Variants in IL19 observed in about 807,000 individuals in gnomAD.
IL19 encodes interleukin-19.
IL19 carries 15 observed loss-of-function variants against 19.5 expected under a neutral mutation model. The observed-to-expected ratio is 0.77, with a 90% CI of 0.52 to 1.19. The LOEUF (loss-of-function observed/expected upper bound fraction) is 1.19, where lower values mean the gene tolerates loss of function less well. Ranked by LOEUF, IL19 falls within the 50% of genes most tolerant of loss-of-function variation. The probability of loss-of-function intolerance (pLI) is 0.00; values close to 1 mark genes in which losing one functional copy is unlikely to be tolerated. For synonymous variants in IL19, 78 were observed against 78.3 expected (o/e 1.00, Z 0.02); for missense variants, 199 against 213.1 (o/e 0.93, Z 0.41).
rs780801302 is a variant in IL19, at chr1:206,839,887, C to T, written c.248C>T (p.Ala83Val). The T allele has an allele frequency of 3.3e-5, 54 of 1,613,842 alleles. No homozygotes were observed. Among genetic ancestry groups the T allele is most frequent in the Middle Eastern group, 1.6e-4 (1 of 6,080 alleles). The change falls in exon 5 of 7, where the codon GCG becomes GTG. Residue 83 changes from alanine (A) to valine (V), a missense_variant. Transcript: ENST00000659997. ...DVCCVTKNLL[A>V]FYVDRVFKDH... ...TGCTGCGTGACCAAGAACCTCCTGG[C>T]GTTCTACGTGGACAGGGTGTTCAAG...
At chr1:206,802,886 G>A (rs1211405687) in intron 2 of IL19, among the ~76,000 whole-genome samples, 1 of 152,188 alleles carries the variant, frequency 6.6e-6, no homozygotes, top group Admixed American at 6.5e-5. Context: ...TAAGGAAGAC[G>A]AGGGGACAGG....
intron 2 of IL19, among the ~76,000 whole-genome samples, chr1:206,826,539 G>A (rs913886154): frequency 6.6e-5 from 10 of 152,142 alleles, no homozygotes; most frequent in Admixed American, 2.0e-4. Context: ...CTCTCACTCT[G>A]CCACCTGCTT....
chr1:206,814,985 A>G (rs527257165), intron 2 of IL19, among the ~76,000 whole-genome samples: 3 of 152,302 alleles, frequency 2.0e-5, no homozygotes, highest in African/African-American at 4.8e-5. Context: ...TTGCTCACAA[A>G]TATACAATCT....
chr1:206,791,797 C>G (rs1407633275), intron 1 of IL19, among the ~76,000 whole-genome samples: 2 of 152,234 alleles, frequency 1.3e-5, no homozygotes, highest in Non-Finnish European at 2.9e-5. Context: ...TTAAAGGTAA[C>G]TGGCCAACTG....
At chr1:206,796,246 G>T (rs980151085) in intron 1 of IL19, among the ~76,000 whole-genome samples, 8 of 152,092 alleles carry the variant, frequency 5.3e-5, no homozygotes, top group Admixed American at 2.0e-4. Context: ...ATCAGACCAT[G>T]CCCACTTACA....
intron 2 of IL19, among the ~76,000 whole-genome samples, chr1:206,818,941 T>A (rs1676228123): frequency 6.6e-6 from 1 of 151,738 alleles, no homozygotes; most frequent in Non-Finnish European, 1.5e-5. Flanking sequence ...GCCTCCTGAG[T>A]AGCTGGGATT....
Position 206,771,062 on chromosome 1 carries a change from A to G in IL19, c.-165A>G. 1 of 1,614,038 alleles carries G rather than the reference A, an allele frequency of 6.2e-7. No individual in the cohort carries two copies. The highest frequency in any genetic ancestry group is 1.1e-5 in the South Asian group (1 of 91,086). Reference sequence around the variant, plus strand: ...AAGGCTTGGCAACCCAGGTAACCCTAAGGGCAGGAGCCAAAGGTGAGTGAG... The same window carrying G: ...AAGGCTTGGCAACCCAGGTAACCCTGAGGGCAGGAGCCAAAGGTGAGTGAG... On this transcript the variant is annotated 5_prime_UTR_variant, in exon 1 of 7. Coordinates refer to ENST00000659997, the MANE Select transcript of IL19 (RefSeq NM_153758.5).
At chr1:206,797,488 C>T (rs1675553174) in intron 1 of IL19, among the ~76,000 whole-genome samples, 1 of 152,004 alleles carries the variant, frequency 6.6e-6, no homozygotes, top group Non-Finnish European at 1.5e-5. Context: ...TGTAGCTTAT[C>T]CTGAGCCCTT....
At chr1:206,791,929 A>ATGTG (rs55855361) in intron 1 of IL19, among the ~76,000 whole-genome samples, 8 of 151,384 alleles carry the variant, frequency 5.3e-5, no homozygotes, top group South Asian at 2.1e-4. Flanking sequence ...GGTCCTGTGC[A>ATGTG]TGTGTGTGTG....
intron 1 of IL19, among the ~76,000 whole-genome samples, chr1:206,797,482 G>T (rs1258190082): frequency 6.6e-6 from 1 of 152,050 alleles, no homozygotes; most frequent in Non-Finnish European, 1.5e-5. Flanking sequence ...TGCTACTGTA[G>T]CTTATCCTGA....
intron 3 of IL19, 44 bp downstream of exon 3, chr1:206,836,850 TC>T (rs1676812827): frequency 1.2e-6 from 2 of 1,606,244 alleles, no homozygotes; most frequent in African/African-American, 2.7e-5. Flanking sequence ...GGAGTATCCC[TC>T]CCCTTACATC....
chr1:206,789,703 T>A (rs916996251), intron 1 of IL19, among the ~76,000 whole-genome samples: 4 of 152,140 alleles, frequency 2.6e-5, no homozygotes, highest in African/African-American at 9.7e-5. Context: ...CTAGTACCCA[T>A]TAATTATTTT....
intron 1 of IL19, among the ~76,000 whole-genome samples, chr1:206,792,116 G>A (rs1675421667): frequency 6.6e-6 from 1 of 152,220 alleles, no homozygotes; most frequent in South Asian, 2.1e-4. Context: ...CTGAGTCTGA[G>A]ATGCCTTCTC....
At chr1:206,808,973 G>A (rs571956178) in intron 2 of IL19, among the ~76,000 whole-genome samples, 1 of 152,286 alleles carries the variant, frequency 6.6e-6, no homozygotes, top group Admixed American at 6.5e-5. Flanking sequence ...GAAGGCAGAA[G>A]GTTCTGGAAA....
At chr1:206,821,419 G>A (rs551092353) in intron 2 of IL19, among the ~76,000 whole-genome samples, 3 of 152,314 alleles carry the variant, frequency 2.0e-5, no homozygotes, top group South Asian at 4.2e-4. Context: ...TCATTGTTAC[G>A]ATGCTTGCGG....
chr1:206,803,971 G>A (rs909781467), intron 2 of IL19, among the ~76,000 whole-genome samples: 4 of 152,188 alleles, frequency 2.6e-5, no homozygotes, highest in Non-Finnish European at 4.4e-5. Context: ...AAGGTGGGAG[G>A]GAAAATTATT....
At chr1:206,838,174 A>G (rs1211410156) in intron 4 of IL19, among the ~76,000 whole-genome samples, 1 of 152,218 alleles carries the variant, frequency 6.6e-6, no homozygotes, top group East Asian at 1.9e-4. Context: ...GATCTGCCCA[A>G]TCATCTAGAC....
rs765862793 is a variant in IL19, at chr1:206,840,121, G to C, written c.363+119G>C. 12 of 1,132,588 alleles carry C rather than the reference G, an allele frequency of 1.1e-5. No homozygotes were observed. In the African/African-American group the frequency reaches 1.8e-4, roughly 17 times the overall value. The allele number at this position is 1,132,588 out of a possible 1,614,324, so 70.2% of individuals were successfully genotyped here. A position where few individuals can be genotyped will look rare whatever the true frequency, so the allele number is the denominator to read the frequency against. On this transcript the variant is annotated intron_variant, in intron 5 of 6. Coordinates refer to ENST00000659997, the MANE Select transcript of IL19 (RefSeq NM_153758.5). Reference sequence around the variant, plus strand: ...CTTGGAGTCAAAGGAAATTCTCTGCGCACGTCCACAGGGAGAACTGTGGAG... The same window carrying C: ...CTTGGAGTCAAAGGAAATTCTCTGCCCACGTCCACAGGGAGAACTGTGGAG...
At chr1:206,813,889 A>G (rs1676080055) in intron 2 of IL19, among the ~76,000 whole-genome samples, 1 of 152,166 alleles carries the variant, frequency 6.6e-6, no homozygotes, top group Non-Finnish European at 1.5e-5. Context: ...TGAAGAGCAA[A>G]AACTGAGGTT....
Sources: allele counts gnomAD v4.1 joint callset (sites outside exome capture counted in the v4.1 genomes callset), GRCh38; gene constraint gnomAD v4.1.1; transcripts MANE v1.5; gene names NCBI Gene and HGNC (gene_info 2026-07-23, HGNC 2026-07-21).